Variants in SLAIN1 observed in about 807,000 individuals in gnomAD.
SLAIN1 encodes SLAIN motif-containing protein 1.
Under a neutral mutation model 55.4 loss-of-function variants are expected in SLAIN1, and 17 were observed. The observed-to-expected ratio is 0.31, with a 90% CI of 0.21 to 0.46. SLAIN1 has a LOEUF of 0.46. Ranked by LOEUF, SLAIN1 falls within the 20% of genes least tolerant of loss-of-function variation. The pLI, the probability that SLAIN1 is intolerant of heterozygous loss-of-function variation, is 1.00. For missense variants in SLAIN1, 682 were observed against 785.1 expected (o/e 0.87, Z 1.57); for synonymous variants, 348 against 337.4 (o/e 1.03, Z -0.35).
intron 1 of SLAIN1, among the ~76,000 whole-genome samples, chr13:77,713,642 A>G (rs1480449272): frequency 1.3e-5 from 2 of 152,222 alleles, no homozygotes; most frequent in African/African-American, 4.8e-5. Flanking sequence ...AACCAGAAAT[A>G]TCATTTGACC....
chr13:77,732,593 G>C (rs1872924740), intron 2 of SLAIN1, among the ~76,000 whole-genome samples: 1 of 152,008 alleles, frequency 6.6e-6, no homozygotes, highest in Admixed American at 6.6e-5. Flanking sequence ...AACTATAGCA[G>C]ACACACAGAC....
chr13:77,750,181 A>C (rs1240524930), intron 4 of SLAIN1, among the ~76,000 whole-genome samples: 2 of 152,204 alleles, frequency 1.3e-5, no homozygotes, highest in South Asian at 2.1e-4. Context: ...ACAAAAGTAC[A>C]TGTGGAGATG....
In SLAIN1 at chr13:77,698,018, G is replaced by GGT; in HGVS notation, c.107_108dup (p.Arg37CysfsTer163). 7.0e-7 allele frequency: 1 copy of GGT among 1,431,606 alleles called. No individual in the cohort carries two copies. Among genetic ancestry groups the GGT allele is most frequent in the Non-Finnish European group, 9.2e-7 (1 of 1,081,094 alleles). 88.7% of individuals were successfully genotyped at this position (1,431,606 alleles called of 1,614,324 possible). A position where few individuals can be genotyped will look rare whatever the true frequency, so the allele number is the denominator to read the frequency against. On this transcript the variant is annotated frameshift_variant, in exon 1 of 7. Transcript: ENST00000418532. LOFTEE classifies it high-confidence loss of function. This position sits in a 1 kb window ranked among gnomAD's most constrained non-coding sequence, Gnocchi z 4.1. ...TGGAGGTGAAGAAGCTGCAGGAGCT[G>GGT]GTGCGCAAGCTGGAGAAGCAGAACG...
chr13:77,762,254 A>G (rs572026225), intron 6 of SLAIN1, among the ~76,000 whole-genome samples: 34 of 152,294 alleles, frequency 2.2e-4, no homozygotes, highest in Non-Finnish European at 3.7e-4. Flanking sequence ...TATTTGATGT[A>G]TATGGTTATT....
intron 4 of SLAIN1, among the ~76,000 whole-genome samples, chr13:77,749,978 G>T (rs1020981717): frequency 6.6e-6 from 1 of 152,160 alleles, no homozygotes; most frequent in East Asian, 1.9e-4. Flanking sequence ...TGATTGGATC[G>T]TGGTTTAGAG....
intron 2 of SLAIN1, among the ~76,000 whole-genome samples, chr13:77,739,776 T>C (rs1019492804): frequency 6.6e-6 from 1 of 152,086 alleles, no homozygotes; most frequent in Non-Finnish European, 1.5e-5. Context: ...TCTGCCTTTT[T>C]ATGATTTTCT....
chr13:77,698,564 C>T lies in SLAIN1; in HGVS notation c.626+25C>T. On this transcript the variant is annotated intron_variant, in intron 1 of 6. Coordinates refer to ENST00000418532, the MANE Select transcript of SLAIN1 (RefSeq NM_001242868.2). This position sits in a 1 kb window ranked among gnomAD's most constrained non-coding sequence, Gnocchi z 4.1. The stretch of plus-strand genomic sequence containing the variant: ...GGTACTGCCTGGCTCCGCTCCTTCC[C>T]CGAGACCCTGGCCTCGGGGGCTTCG... 7.2e-7 allele frequency: 1 copy of T among 1,395,390 alleles called. No individual in the cohort carries two copies. The highest frequency in any genetic ancestry group is 9.2e-7 in the Non-Finnish European group (1 of 1,081,934). The allele number at this position is 1,395,390 out of a possible 1,614,324, so 86.4% of individuals were successfully genotyped here. A position where few individuals can be genotyped will look rare whatever the true frequency, so the allele number is the denominator to read the frequency against.
chr13:77,715,256 G>T (rs1201387946), intron 1 of SLAIN1, among the ~76,000 whole-genome samples: 1 of 152,118 alleles, frequency 6.6e-6, no homozygotes, highest in Non-Finnish European at 1.5e-5. Flanking sequence ...TGAAATTTGT[G>T]TTATTACATG....
At chr13:77,719,211 A>T (rs746516331) in intron 1 of SLAIN1, among the ~76,000 whole-genome samples, 4 of 151,930 alleles carry the variant, frequency 2.6e-5, no homozygotes, top group African/African-American at 9.7e-5. Flanking sequence ...TGACATGTCA[A>T]TAGAGATAGT....
chr13:77,753,617 A>C (rs1445120051), intron 5 of SLAIN1, among the ~76,000 whole-genome samples: 1 of 152,118 alleles, frequency 6.6e-6, no homozygotes, highest in Non-Finnish European at 1.5e-5. Flanking sequence ...GGTATCAATT[A>C]ATAATAGTAA....
intron 2 of SLAIN1, among the ~76,000 whole-genome samples, chr13:77,740,475 T>C (rs1873362786): frequency 6.6e-6 from 1 of 151,810 alleles, no homozygotes; most frequent in Middle Eastern, 3.2e-3. Context: ...ATTCTAGGGA[T>C]TGGAATAAAA....
intron 1 of SLAIN1, among the ~76,000 whole-genome samples, chr13:77,701,040 AACATACATTGG>A (rs1448458354): frequency 6.6e-6 from 1 of 152,168 alleles, no homozygotes; most frequent in Non-Finnish European, 1.5e-5. Flanking sequence ...CCTTTCATTG[AACATACATTGG>A]ACATTTGTGT....
At chr13:77,740,539 C>T (rs1033000954) in intron 2 of SLAIN1, among the ~76,000 whole-genome samples, 15 of 115,246 alleles carry the variant, frequency 1.3e-4, no homozygotes, top group South Asian at 2.9e-4. Flanking sequence ...CCCCCCCCCC[C>T]TTTTTTTATA....
chr13:77,728,057 T>G (rs2091324326), intron 2 of SLAIN1, among the ~76,000 whole-genome samples: 1 of 152,188 alleles, frequency 6.6e-6, no homozygotes, highest in Non-Finnish European at 1.5e-5. Context: ...GTAAGTGTAG[T>G]TTATTATTCA....
chr13:77,758,807 C>T (rs553627931), intron 5 of SLAIN1, among the ~76,000 whole-genome samples: 42 of 152,164 alleles, frequency 2.8e-4, no homozygotes, highest in Admixed American at 1.0e-3. Context: ...ATAGCAGTAC[C>T]ATGCTGTTTT....
intron 5 of SLAIN1, among the ~76,000 whole-genome samples, chr13:77,759,253 A>G (rs2062264541): frequency 6.6e-6 from 1 of 152,180 alleles, no homozygotes; most frequent in African/African-American, 2.4e-5. Flanking sequence ...GGTATACAGC[A>G]GTGCTACTGA....
intron 2 of SLAIN1, among the ~76,000 whole-genome samples, chr13:77,725,502 G>T (rs1379797032): frequency 1.3e-5 from 2 of 152,148 alleles, no homozygotes; most frequent in East Asian, 1.9e-4. Context: ...ATAGGTAAAA[G>T]TTCCTTAATG....
At chr13:77,752,981 A>T (rs1241656372) in intron 4 of SLAIN1, among the ~76,000 whole-genome samples, 1 of 152,184 alleles carries the variant, frequency 6.6e-6, no homozygotes, top group Non-Finnish European at 1.5e-5. Context: ...AATCCAATCA[A>T]GTTGGCACTC....
At position 77,697,950 on chromosome 13, in the gene SLAIN1, GT is replaced by G; in HGVS notation, c.38del (p.Val13AlafsTer11). 7.0e-7 allele frequency: 1 copy of G among 1,438,222 alleles called. No homozygotes were observed. Among genetic ancestry groups the G allele is most frequent in the Non-Finnish European group, 9.2e-7 (1 of 1,086,998 alleles). 89.1% of individuals were successfully genotyped at this position (1,438,222 alleles called of 1,614,324 possible). ...AEQVKCASAG[V>X]SSGAGSGPVV... Reference sequence around the variant, plus strand: ...GCAGGTGAAATGCGCCTCGGCAGGGGTCAGCTCTGGAGCGGGCTCCGGGCCG... The same window carrying G: ...GCAGGTGAAATGCGCCTCGGCAGGGGCAGCTCTGGAGCGGGCTCCGGGCCG... On this transcript the variant is annotated frameshift_variant, in exon 1 of 7. Coordinates refer to ENST00000418532, the MANE Select transcript of SLAIN1 (RefSeq NM_001242868.2). LOFTEE classifies it high-confidence loss of function.
Sources: allele counts gnomAD v4.1 joint callset (sites outside exome capture counted in the v4.1 genomes callset), GRCh38; gene constraint gnomAD v4.1.1; non-coding constraint Gnocchi (gnomAD v3.1); transcripts MANE v1.5; gene names NCBI Gene and HGNC (gene_info 2026-07-23, HGNC 2026-07-21).